RAB3GAP1: variants seen among roughly 807,000 people sequenced by gnomAD.
The protein encoded by RAB3GAP1 is rab3 GTPase-activating protein catalytic subunit.
A neutral mutation model predicts 130.7 loss-of-function variants in RAB3GAP1; 86 were observed. That is an observed-to-expected ratio of 0.66 (90% CI 0.55 to 0.79). The LOEUF (loss-of-function observed/expected upper bound fraction) is 0.79. RAB3GAP1 is among the 30% of genes least tolerant of loss of function. RAB3GAP1 has a pLI of 0.00. For synonymous variants in RAB3GAP1, 367 were observed against 401.7 expected, an observed-to-expected ratio of 0.91 and a Z score of 1.03; for missense variants, 1,029 against 1,169.4, an observed-to-expected ratio of 0.88 and a Z score of 1.75.
At chr2:135,126,291 T>C in intron 10 of RAB3GAP1, 42 bp downstream of exon 10, 1 of 1,411,018 alleles carries the variant, frequency 7.1e-7, no homozygotes, top group Non-Finnish European at 9.9e-7. Context: ...ATTAAAAAAC[T>C]TCAGTAGAAT....
At chr2:135,113,685 G>T (rs1690885945) in intron 6 of RAB3GAP1, among the ~76,000 whole-genome samples, 1 of 152,020 alleles carries the variant, frequency 6.6e-6, no homozygotes, top group Non-Finnish European at 1.5e-5. Context: ...TGATCTGTCT[G>T]AACCTCCACT....
At position 135,138,300 on chromosome 2, in the gene RAB3GAP1, A is replaced by T. The variant is rs76208739; in HGVS notation, c.1923+2368A>T. Among the ~76,000 whole-genome samples the T allele has an allele frequency of 1.0e-3, 154 of 149,676 alleles. 5 individuals are homozygous for T. The East Asian group carries it at 0.026, about 26-fold the overall frequency. On this transcript the variant is annotated intron_variant, in intron 17 of 23. Transcript: ENST00000264158. ...TTCTACCAAAAAAAAAAAAAAAAAA[A>T]TTAGCCGACTGGGGTAGCGTACACC...
chr2:135,086,851 A>G (rs1266099774), intron 3 of RAB3GAP1, among the ~76,000 whole-genome samples: 1 of 151,250 alleles, frequency 6.6e-6, no homozygotes, highest in Non-Finnish European at 1.5e-5. Flanking sequence ...ATTATTTTGT[A>G]GAGACAGGGT....
At chr2:135,117,756 GCTT>G (rs1691064823) in intron 7 of RAB3GAP1, among the ~76,000 whole-genome samples, 1 of 51,020 alleles carries the variant, frequency 2.0e-5, no homozygotes, top group Non-Finnish European at 4.4e-5. Flanking sequence ...TTCTGCTTCT[GCTT>G]CTTCTGCTGC....
intron 3 of RAB3GAP1, among the ~76,000 whole-genome samples, chr2:135,072,272 C>G (rs1433541718): frequency 6.6e-6 from 1 of 152,194 alleles, no homozygotes; most frequent in Non-Finnish European, 1.5e-5. Context: ...TAAGACATAA[C>G]TAGCATTCAA....
intron 3 of RAB3GAP1, among the ~76,000 whole-genome samples, chr2:135,082,688 GCCTCGGC>G: frequency 6.6e-6 from 1 of 152,156 alleles, no homozygotes; most frequent in East Asian, 1.9e-4. Context: ...TGATCCACCT[GCCTCGGC>G]CTCCCAAAGT....
Position 135,132,991 on chromosome 2 carries a change from T to C in RAB3GAP1, c.1326+7T>C, listed in dbSNP as rs538835254. The stretch of plus-strand genomic sequence containing the variant: ...ATCAGAGAGTGAAGACTATGTAAGT[T>C]GATGTGGAGTTCAATGTTAAAATGT... On this transcript the variant is annotated splice_region_variant and intron_variant, in intron 14 of 23. Coordinates refer to ENST00000264158, the MANE Select transcript of RAB3GAP1 (RefSeq NM_012233.3). The C allele has an allele frequency of 1.4e-6, 2 of 1,474,950 alleles. No homozygotes were observed. Among genetic ancestry groups the C allele is most frequent in the African/African-American group, 1.4e-5 (1 of 71,950 alleles). 91.4% of individuals were successfully genotyped at this position (1,474,950 alleles called of 1,614,324 possible).
intron 6 of RAB3GAP1, 141 bp downstream of exon 6, chr2:135,113,411 A>C (rs931288700): frequency 7.3e-6 from 8 of 1,097,320 alleles, no homozygotes; most frequent in African/African-American, 1.6e-5. Context: ...ATTTGACTTG[A>C]GGTTACCTCT....
intron 3 of RAB3GAP1, among the ~76,000 whole-genome samples, chr2:135,081,347 T>A (rs866677164): frequency 1.3e-3 from 118 of 93,702 alleles, no homozygotes; most frequent in African/African-American, 5.9e-3. Context: ...TATATATATA[T>A]ATATATATAT....
chr2:135,102,653 A>G (rs1574109574), intron 5 of RAB3GAP1, among the ~76,000 whole-genome samples: 1 of 152,304 alleles, frequency 6.6e-6, no homozygotes, highest in Middle Eastern at 3.4e-3. Context: ...ATTGGTCACC[A>G]CAAAGGAACA....
chr2:135,085,787 G>T (rs1482978620), intron 3 of RAB3GAP1, among the ~76,000 whole-genome samples: 1 of 151,934 alleles, frequency 6.6e-6, no homozygotes, highest in African/African-American at 2.4e-5. Context: ...TTTTTTATTT[G>T]TTGGGTTATG....
At chr2:135,079,498 C>G (rs1196056836) in intron 3 of RAB3GAP1, among the ~76,000 whole-genome samples, 1 of 152,194 alleles carries the variant, frequency 6.6e-6, no homozygotes, top group African/African-American at 2.4e-5. Flanking sequence ...TCATAGGCTT[C>G]CATGGTCAGG....
At position 135,093,630 on chromosome 2, in the gene RAB3GAP1, C is replaced by G. The variant is rs1690209343; in HGVS notation, c.299C>G (p.Ser100Cys). ...GTTTTTGTAGATGTTGTTCCACAAT[C>G]TATGCAAGATTTGCTGGGTATGAAT... is the stretch of plus-strand genomic sequence containing the variant. ...DELLEDVVPQ[S>C]MQDLLGMNND... Residue 100 changes from serine (S) to cysteine (C), a missense_variant, in exon 5 of 24, where the codon TCT becomes TGT. Around this residue, in one of 3 missense-constraint regions of RAB3GAP1, gnomAD observed 510 missense variants for 532.1 expected, o/e 0.96. Transcript: ENST00000264158. 3.1e-6 allele frequency: 5 copies of G among 1,613,216 alleles called. No homozygotes were observed. The highest frequency in any genetic ancestry group is 2.2e-5 in the East Asian group (1 of 44,866).
chr2:135,093,266 C>T (rs972584835), intron 4 of RAB3GAP1, among the ~76,000 whole-genome samples: 3 of 152,046 alleles, frequency 2.0e-5, no homozygotes, highest in African/African-American at 4.8e-5. Context: ...ACAGAGTTGA[C>T]ATATCTCTAA....
At chr2:135,082,808 A>G (rs1689865013) in intron 3 of RAB3GAP1, among the ~76,000 whole-genome samples, 1 of 152,024 alleles carries the variant, frequency 6.6e-6, no homozygotes, top group Non-Finnish European at 1.5e-5. Context: ...TCATATTGTA[A>G]CATTTATCAG....
At chr2:135,066,542 A>T (rs1689328301) in intron 3 of RAB3GAP1, among the ~76,000 whole-genome samples, 1 of 152,140 alleles carries the variant, frequency 6.6e-6, no homozygotes, top group Non-Finnish European at 1.5e-5. Context: ...GCGGGATTAA[A>T]CCTAGGTCTT....
chr2:135,126,616 TGTTA>T lies in RAB3GAP1; in HGVS notation c.935_938del (p.Val312GlufsTer12). On this transcript the variant is annotated frameshift_variant, in exon 11 of 24. Coordinates refer to ENST00000264158, the MANE Select transcript of RAB3GAP1 (RefSeq NM_012233.3). LOFTEE classifies it high-confidence loss of function. ...ATCCTATTCAAGCTCCACATTGGTCTGTTAGAGTTCGAAAAGCTGAGAATCCTCA... is the reference window on the plus strand; with the variant it reads ...ATCCTATTCAAGCTCCACATTGGTCTGAGTTCGAAAAGCTGAGAATCCTCA... 3 of 1,613,470 alleles carry T rather than the reference TGTTA, an allele frequency of 1.9e-6. No homozygotes were observed. The highest frequency in any genetic ancestry group is 1.7e-6 in the Non-Finnish European group (2 of 1,179,444).
chr2:135,130,808 C>A, intron 13 of RAB3GAP1, 87 bp downstream of exon 13: 1 of 1,250,894 alleles, frequency 8.0e-7, no homozygotes, highest in Non-Finnish European at 1.2e-6. Flanking sequence ...TAGGCAGTGA[C>A]CTTGGAATAT....
rs202050016 is a variant in RAB3GAP1 at position 135,052,304 on chromosome 2, C to T, written c.-4C>T. The T allele has an allele frequency of 1.8e-4, 284 of 1,613,552 alleles. 1 individual carries two copies. Among genetic ancestry groups the T allele is most frequent in the Non-Finnish European group, 2.1e-4 (245 of 1,180,040 alleles). ...CCTTAGCGCCAGGCCCGGCGCTCCT[C>T]AAGATGGCTGCCGACAGTGAGGTGA... On this transcript the variant is annotated 5_prime_UTR_variant, in exon 1 of 24. Transcript: ENST00000264158.
Sources: allele counts gnomAD v4.1 joint callset (sites outside exome capture counted in the v4.1 genomes callset), GRCh38; gene constraint gnomAD v4.1.1; regional missense constraint gnomAD v4.1.1; transcripts MANE v1.5; gene names NCBI Gene and HGNC (gene_info 2026-07-23, HGNC 2026-07-21).